The following TBCD variants were observed in gnomAD, a reference collection of about 807,000 sequenced individuals.
The protein encoded by TBCD is tubulin-specific chaperone D.
A neutral mutation model predicts 169.3 loss-of-function variants in TBCD; 105 were observed. The observed-to-expected ratio is 0.62, with a 90% CI of 0.53 to 0.73. The LOEUF (loss-of-function observed/expected upper bound fraction) is 0.73, where lower values mean the gene tolerates loss of function less well. Among genes scored for constraint, TBCD ranks in the 30% least tolerant of loss-of-function variants. The pLI is 0.00. For missense variants in TBCD, 1,444 were observed against 1,600.1 expected, an observed-to-expected ratio of 0.90 and a Z score of 1.66; for synonymous variants, 700 against 643.9, an observed-to-expected ratio of 1.09 and a Z score of -1.32.
chr17:82,858,842 G>T (rs1265295198), intron 13 of TBCD, among the ~76,000 whole-genome samples: 1 of 152,200 alleles, frequency 6.6e-6, no homozygotes, highest in Non-Finnish European at 1.5e-5. Context: ...GTGGGTGGCT[G>T]CCTGGGGCTA....
intron 30 of TBCD, 62 bp from the exon 31 acceptor site, chr17:82,929,051 G>T: frequency 6.4e-7 from 1 of 1,569,798 alleles, no homozygotes; most frequent in Non-Finnish European, 8.6e-7. Flanking sequence ...CCTGTGCTCA[G>T]TTTACCGCCC....
intron 2 of TBCD, among the ~76,000 whole-genome samples, chr17:82,758,398 AAAAAAT>A (rs1301409707): frequency 7.1e-6 from 1 of 140,778 alleles, no homozygotes; most frequent in Non-Finnish European, 1.5e-5. Flanking sequence ...AAAAAAAAAA[AAAAAAT>A]AAATAAATAA....
chr17:82,823,446 G>C (rs558542403), intron 13 of TBCD, among the ~76,000 whole-genome samples: 29 of 152,218 alleles, frequency 1.9e-4, no homozygotes, highest in Non-Finnish European at 4.4e-5. Flanking sequence ...GACTTTGTAC[G>C]TGGACCGATT....
chr17:82,868,426 C>T (rs898869957), intron 13 of TBCD, among the ~76,000 whole-genome samples: 2 of 152,172 alleles, frequency 1.3e-5, no homozygotes, highest in African/African-American at 2.4e-5. Flanking sequence ...CGCCCTGCGT[C>T]GTGGCTGGGC....
At position 82,806,931 on chromosome 17, in the gene TBCD, G is replaced by A. The variant is rs930035377; in HGVS notation, c.1088-677G>A. The stretch of plus-strand genomic sequence containing the variant: ...CTGGGTCTGCCCCTTCCCCGTGTCC[G>A]CAGCCTGCCCCAGGTTCATTCCCGT... On this transcript the variant is annotated intron_variant, in intron 10 of 38. Transcript: ENST00000355528. This position sits in a 1 kb window ranked among gnomAD's most constrained non-coding sequence, Gnocchi z 5.1. 1.3e-5 allele frequency among the ~76,000 whole-genome samples: 2 copies of A among 152,148 alleles called. No homozygotes were observed. The highest frequency in any genetic ancestry group is 2.4e-5 in the African/African-American group (1 of 41,436).
In TBCD at chr17:82,928,003, G is replaced by C; in HGVS notation, c.2693+15G>C. Reference sequence around the variant, plus strand: ...GAGGCCCATACGTGAGTGTCACGTCGCAGCTCTTCTGCATCCTAGAGGGCA... The same window carrying C: ...GAGGCCCATACGTGAGTGTCACGTCCCAGCTCTTCTGCATCCTAGAGGGCA... On this transcript the variant is annotated intron_variant, in intron 30 of 38. Coordinates refer to ENST00000355528, the MANE Select transcript of TBCD (RefSeq NM_005993.5). 2 of 1,606,384 alleles carry C rather than the reference G, an allele frequency of 1.2e-6. No homozygotes were observed. The highest frequency in any genetic ancestry group is 1.7e-6 in the Non-Finnish European group (2 of 1,178,288).
Position 82,789,550 on chromosome 17 carries a change from C to T in TBCD, c.771+7829C>T, listed in dbSNP as rs376663810. On this transcript the variant is annotated intron_variant, in intron 7 of 38. Coordinates refer to ENST00000355528, the MANE Select transcript of TBCD (RefSeq NM_005993.5). This position sits in a 1 kb window ranked among gnomAD's most constrained non-coding sequence, Gnocchi z 4.8. The stretch of plus-strand genomic sequence containing the variant: ...GGGTCTCAGTGGCCCCTGCCCCAGT[C>T]GTCCTGACCTGTGGCCCCTGTGCAG... Among the ~76,000 whole-genome samples, 29 of 152,320 alleles carry T rather than the reference C, an allele frequency of 1.9e-4. No individual in the cohort carries two copies. The East Asian group carries it at 3.3e-3, about 17-fold the overall frequency.
intron 13 of TBCD, among the ~76,000 whole-genome samples, chr17:82,850,263 T>C (rs866822831): frequency 0.02 from 812 of 40,766 alleles, 3 homozygotes; most frequent in Middle Eastern, 0.052. Context: ...GTTGGCTGTG[T>C]TGTTGTTGGC....
intron 11 of TBCD, 77 bp downstream of exon 11, chr17:82,807,745 C>A: frequency 8.2e-7 from 1 of 1,219,672 alleles, no homozygotes; most frequent in Non-Finnish European, 1.1e-6. Flanking sequence ...TACAAATACC[C>A]AACAGCTTTG....
At chr17:82,768,921 A>G (rs2048163099) in intron 5 of TBCD, among the ~76,000 whole-genome samples, 1 of 152,248 alleles carries the variant, frequency 6.6e-6, no homozygotes, top group African/African-American at 2.4e-5. Context: ...CTAGAAAATA[A>G]AGATAAGCAA....
At chr17:82,901,866 A>G (rs1812464366) in intron 18 of TBCD, among the ~76,000 whole-genome samples, 1 of 152,226 alleles carries the variant, frequency 6.6e-6, no homozygotes, top group Non-Finnish European at 1.5e-5. Context: ...CATTAGGTAC[A>G]AGGTCCCCTA....
intron 13 of TBCD, among the ~76,000 whole-genome samples, chr17:82,837,683 C>T (rs781655022): frequency 1.4e-4 from 22 of 152,180 alleles, no homozygotes; most frequent in Admixed American, 2.6e-4. Context: ...CCCACTGGAT[C>T]GGCAGGAAGC....
rs535551971 is a variant in TBCD at position 82,832,009 on chromosome 17, G to A, written c.1318+17075G>A. On this transcript the variant is annotated intron_variant, in intron 13 of 38. Transcript: ENST00000355528. This position sits in a 1 kb window ranked among gnomAD's most constrained non-coding sequence, Gnocchi z 4.9. ...AGCTGCGCCTTCCAGAGCAGGCTGGGCACCGAGGGCGGCTTCCGGAGCTGG... is the reference window on the plus strand; with the variant it reads ...AGCTGCGCCTTCCAGAGCAGGCTGGACACCGAGGGCGGCTTCCGGAGCTGG... 9 of 1,612,650 alleles carry A rather than the reference G, an allele frequency of 5.6e-6. No homozygotes were observed. The East Asian group carries it at 1.8e-4, about 32-fold the overall frequency.
rs1344755785 is a variant in TBCD at position 82,930,160 on chromosome 17, A to G, written c.2992-362A>G. 3.4e-6 allele frequency: 1 copy of G among 297,638 alleles called. No homozygotes were observed. Among genetic ancestry groups the G allele is most frequent in the Non-Finnish European group, 6.4e-6 (1 of 156,082 alleles). The allele number at this position is 297,638 out of a possible 1,614,324, so 18.4% of individuals were successfully genotyped here. ...TGCGGGGAGACCCGGGCCACATGCG[A>G]GCGGGGCCCCGAGACATTCTGCACT... On this transcript the variant is annotated intron_variant, in intron 32 of 38. Transcript: ENST00000355528. This position sits in a 1 kb window ranked among gnomAD's most constrained non-coding sequence, Gnocchi z 5.2.
intron 13 of TBCD, among the ~76,000 whole-genome samples, chr17:82,869,714 T>G (rs1250385502): frequency 6.6e-6 from 1 of 152,222 alleles, no homozygotes; most frequent in Non-Finnish European, 1.5e-5. Context: ...ATTTTCATCC[T>G]GGTTCACCCC....
intron 14 of TBCD, among the ~76,000 whole-genome samples, chr17:82,878,970 A>G: frequency 6.6e-6 from 1 of 151,534 alleles, no homozygotes; most frequent in Non-Finnish European, 1.5e-5. Flanking sequence ...TTATAATCTA[A>G]CACTAACTAT....
At chr17:82,849,727 A>G (rs568436019) in intron 13 of TBCD, among the ~76,000 whole-genome samples, 3 of 152,236 alleles carry the variant, frequency 2.0e-5, no homozygotes, top group Non-Finnish European at 4.4e-5. Flanking sequence ...TCCCTCTCAC[A>G]GGATGCGACC....
intron 18 of TBCD, among the ~76,000 whole-genome samples, chr17:82,902,367 G>A (rs1038626753): frequency 2.0e-5 from 3 of 152,230 alleles, no homozygotes; most frequent in African/African-American, 4.8e-5. Flanking sequence ...GCTGAGGGCC[G>A]TCCTTACGCG....
chr17:82,884,069 G>T lies in TBCD; in HGVS notation c.1476-76G>T. The T allele has an allele frequency of 7.1e-7, 1 of 1,413,278 alleles. No individual in the cohort carries two copies. The allele number at this position is 1,413,278 out of a possible 1,614,324, so 87.5% of individuals were successfully genotyped here. The stretch of plus-strand genomic sequence containing the variant: ...AGTGGGCCTGAGTCGTGAGAGAAAG[G>T]CTTTCTCATCGATACTGTGTGGTCT... On this transcript the variant is annotated intron_variant, in intron 14 of 38. Transcript: ENST00000355528. The surrounding 1 kb of genome is among the most constrained non-coding windows in gnomAD (Gnocchi z 4.2).
Sources: gnomAD v4.1 joint callset for allele counts (sites outside exome capture counted in the v4.1 genomes callset) on GRCh38, gnomAD v4.1.1 for gene constraint, Gnocchi (gnomAD v3.1) non-coding constraint, MANE v1.5 for transcripts, NCBI Gene and HGNC (gene_info 2026-07-23, HGNC 2026-07-21) for gene names.